The following ARSK variants were observed in gnomAD, a reference collection of about 807,000 sequenced individuals.
ARSK encodes the protein arylsulfatase family member K.
A neutral mutation model predicts 53.2 loss-of-function variants in ARSK; 37 were observed. That is an observed-to-expected ratio of 0.70 (90% confidence interval 0.54 to 0.92). The LOEUF is 0.92. Ranked by LOEUF, ARSK falls within the 40% of genes least tolerant of loss-of-function variation. The pLI is 0.00. For missense variants in ARSK, 613 were observed against 643.0 expected (o/e 0.95, Z 0.51); for synonymous variants, 208 against 223.2 (o/e 0.93, Z 0.61).
intron 1 of ARSK, among the ~76,000 whole-genome samples, chr5:95,564,087 C>G (rs777675828): frequency 2.7e-5 from 4 of 150,112 alleles, no homozygotes; most frequent in Non-Finnish European, 5.9e-5. Flanking sequence ...AAGTGATTCT[C>G]TTGCCTCAGC....
At chr5:95,570,938 C>T (rs1479489282) in intron 3 of ARSK, among the ~76,000 whole-genome samples, 2 of 152,128 alleles carry the variant, frequency 1.3e-5, no homozygotes, top group Non-Finnish European at 2.9e-5. Flanking sequence ...TGGGCCACTA[C>T]GCCCAACTAA....
At chr5:95,563,164 T>A (rs1748670145) in intron 1 of ARSK, among the ~76,000 whole-genome samples, 1 of 152,232 alleles carries the variant, frequency 6.6e-6, no homozygotes, top group Non-Finnish European at 1.5e-5. Flanking sequence ...AGAAAATTTT[T>A]AAATATTTTC....
intron 6 of ARSK, among the ~76,000 whole-genome samples, chr5:95,592,691 G>T (rs979663976): frequency 6.6e-6 from 1 of 152,130 alleles, no homozygotes; most frequent in African/African-American, 2.4e-5. Flanking sequence ...TGGGATTACA[G>T]GCGCCTGCCA....
At chr5:95,590,914 G>A (rs185574883) in intron 5 of ARSK, among the ~76,000 whole-genome samples, 1 of 152,336 alleles carries the variant, frequency 6.6e-6, no homozygotes, top group African/African-American at 2.4e-5. Context: ...TTATGAGCAT[G>A]ATCTGGTGAT....
intron 1 of ARSK, among the ~76,000 whole-genome samples, chr5:95,562,272 G>C (rs1297960044): frequency 6.6e-6 from 1 of 152,014 alleles, no homozygotes; most frequent in Non-Finnish European, 1.5e-5. Flanking sequence ...CTCTGCCTGG[G>C]TCTTAAAGGA....
intron 3 of ARSK, among the ~76,000 whole-genome samples, chr5:95,578,602 A>T (rs1748968806): frequency 6.6e-6 from 1 of 152,198 alleles, no homozygotes; most frequent in African/African-American, 2.4e-5. Flanking sequence ...GAAACACATT[A>T]GCTGCTATAA....
intron 6 of ARSK, among the ~76,000 whole-genome samples, chr5:95,592,621 T>C (rs1475935267): frequency 6.6e-6 from 1 of 152,150 alleles, no homozygotes; most frequent in Non-Finnish European, 1.5e-5. Flanking sequence ...CGATTTCGGC[T>C]CCCTGCAACC....
chr5:95,564,672 T>A (rs989691806), intron 1 of ARSK, among the ~76,000 whole-genome samples: 40 of 152,286 alleles, frequency 2.6e-4, no homozygotes, highest in African/African-American at 9.4e-4. Flanking sequence ...TTTTCTGGCC[T>A]CATTTCAGGT....
Position 95,600,844 on chromosome 5 carries a change from T to C in ARSK, c.1097-3T>C, listed in dbSNP as rs1159267774. 6 of 1,610,118 alleles carry C rather than the reference T, an allele frequency of 3.7e-6. No homozygotes were observed. In the East Asian group the frequency reaches 1.1e-4, roughly 30 times the overall value. ...AAGATATTTGGTTATTTTTGTTACA[T>C]AGATATTGCTGGAATTCCTCTGCCT... On this transcript the variant is annotated splice_polypyrimidine_tract_variant and splice_region_variant and intron_variant, in intron 6 of 7. Transcript: ENST00000380009.
chr5:95,586,838 A>G, intron 5 of ARSK, 105 bp downstream of exon 5: 1 of 959,322 alleles, frequency 1.0e-6, no homozygotes, highest in Non-Finnish European at 1.5e-6. Flanking sequence ...GTTGCTTATA[A>G]CTATAGGAAT....
chr5:95,572,409 C>T (rs1172152461), intron 3 of ARSK, among the ~76,000 whole-genome samples: 2 of 152,230 alleles, frequency 1.3e-5, no homozygotes, highest in African/African-American at 4.8e-5. Context: ...TTCTGATACT[C>T]ATCTGCCCCT....
chr5:95,587,973 C>G (rs944759899), intron 5 of ARSK, among the ~76,000 whole-genome samples: 1 of 151,220 alleles, frequency 6.6e-6, no homozygotes, highest in South Asian at 2.1e-4. Flanking sequence ...CAAATAAGAT[C>G]TTAAGTAATT....
chr5:95,568,093 A>G (rs1435303692), intron 3 of ARSK, 44 bp downstream of exon 3: 1 of 1,591,872 alleles, frequency 6.3e-7, no homozygotes, highest in Non-Finnish European at 8.6e-7. Flanking sequence ...GCCCTCTGCC[A>G]TAGCGTGTAC....
chr5:95,586,592 T>C lies in ARSK; in HGVS notation c.730T>C (p.Trp244Arg). Reference sequence around the variant, plus strand: ...TCATGATGCCATCAAAATCCCAAAGTGGTCACCTTTGTCAGAAATGCACCC... The same window carrying C: ...TCATGATGCCATCAAAATCCCAAAGCGGTCACCTTTGTCAGAAATGCACCC... Reference protein sequence around the residue: ...VSHDAIKIPKWSPLSEMHPVD... With the variant: ...VSHDAIKIPKRSPLSEMHPVD... The change falls in exon 5 of 8, where the codon TGG becomes CGG. Residue 244 changes from tryptophan (W) to arginine (R), a missense_variant. Transcript: ENST00000380009. 1 of 1,612,234 alleles carries C rather than the reference T, an allele frequency of 6.2e-7. No homozygotes were observed. The highest frequency in any genetic ancestry group is 8.5e-7 in the Non-Finnish European group (1 of 1,179,412).
At chr5:95,564,395 C>G (rs1748692482) in intron 1 of ARSK, among the ~76,000 whole-genome samples, 1 of 152,182 alleles carries the variant, frequency 6.6e-6, no homozygotes, top group Non-Finnish European at 1.5e-5. Flanking sequence ...ATAAGACATG[C>G]ATAATTTTCC....
At chr5:95,563,973 CT>C (rs70978189) in intron 1 of ARSK, among the ~76,000 whole-genome samples, 4,463 of 123,924 alleles carry the variant, frequency 0.036, 32 homozygotes, top group Middle Eastern at 0.084. Flanking sequence ...GGGCTATGCA[CT>C]TTTTTTTTTT....
chr5:95,587,631 A>G (rs1385204374), intron 5 of ARSK, among the ~76,000 whole-genome samples: 2 of 152,226 alleles, frequency 1.3e-5, no homozygotes, highest in Non-Finnish European at 2.9e-5. Flanking sequence ...AGGTATAAAA[A>G]TGTATAGGCT....
At chr5:95,594,674 T>C (rs1369765978) in intron 6 of ARSK, among the ~76,000 whole-genome samples, 1 of 152,116 alleles carries the variant, frequency 6.6e-6, no homozygotes, top group Non-Finnish European at 1.5e-5. Context: ...ATCCTGTCTC[T>C]ACTAAAAATG....
In ARSK at chr5:95,604,225, T is replaced by C. The variant is rs1749462653; in HGVS notation, c.*699T>C. 6.6e-6 allele frequency: 1 copy of C among 152,244 alleles called. No homozygotes were observed. 9.4% of individuals were successfully genotyped at this position (152,244 alleles called of 1,614,324 possible). On this transcript the variant is annotated 3_prime_UTR_variant, in exon 8 of 8. Transcript: ENST00000380009. ...GATGGGATTGTTTGGATGTATTTAA[T>C]GGGAGTATTTGGAGTATTTAACGGG...
Sources: allele counts gnomAD v4.1 joint callset (sites outside exome capture counted in the v4.1 genomes callset), GRCh38; gene constraint gnomAD v4.1.1; transcripts MANE v1.5; gene names NCBI Gene and HGNC (gene_info 2026-07-23, HGNC 2026-07-21).